KIF27: variants seen among roughly 807,000 people sequenced by gnomAD.
KIF27 encodes the protein kinesin-like protein KIF27.
A neutral mutation model predicts 141.8 loss-of-function variants in KIF27; 84 were observed. That is an observed-to-expected ratio of 0.59 (90% CI 0.50 to 0.71). The LOEUF is 0.71. Among genes scored for constraint, KIF27 ranks in the 30% least tolerant of loss-of-function variants. The pLI is 0.00. For synonymous variants in KIF27, 471 were observed against 569.5 expected (o/e 0.83, Z 2.46); for missense variants, 1,306 against 1,628.4 (o/e 0.80, Z 3.41).
chr9:83,906,113 A>G (rs1315065523), intron 3 of KIF27, among the ~76,000 whole-genome samples: 2 of 152,242 alleles, frequency 1.3e-5, no homozygotes, highest in African/African-American at 4.8e-5. Flanking sequence ...AAAAGATGAA[A>G]ACATTCAATA....
At chr9:83,871,984 G>A (rs1302573528) in intron 11 of KIF27, among the ~76,000 whole-genome samples, 7 of 150,574 alleles carry the variant, frequency 4.6e-5, no homozygotes, top group African/African-American at 1.7e-4. Flanking sequence ...TTACAAGCAT[G>A]AGCCACCACG....
chr9:83,920,085 T>C (rs774057820), intron 1 of KIF27, among the ~76,000 whole-genome samples: 3 of 152,076 alleles, frequency 2.0e-5, no homozygotes, highest in Non-Finnish European at 4.4e-5. Context: ...TACAAGAATG[T>C]GCCAGGCTGT....
chr9:83,919,908 G>A lies in KIF27; in HGVS notation c.-88+1463C>T, dbSNP rs560798778. 7.9e-5 allele frequency among the ~76,000 whole-genome samples: 12 copies of A among 150,966 alleles called. No individual in the cohort carries two copies. The South Asian group carries it at 2.3e-3, about 29-fold the overall frequency. On this transcript the variant is annotated intron_variant, in intron 1 of 17. Transcript: ENST00000297814. The stretch of plus-strand genomic sequence containing the variant: ...ATCTATAAAGAATTTGGTTATAAAG[G>A]CAACTGAAACTTATTCTAAGCATTA...
At chr9:83,856,967 T>G (rs1228250012) in intron 14 of KIF27, among the ~76,000 whole-genome samples, 2 of 151,086 alleles carry the variant, frequency 1.3e-5, no homozygotes, top group Non-Finnish European at 2.9e-5. Context: ...TTTAAAAGAT[T>G]AGATAAACAT....
rs1393825550 is a variant in KIF27 at position 83,913,541 on chromosome 9, G to A, written c.298+1753C>T. Among the ~76,000 whole-genome samples, 6 of 152,124 alleles carry A rather than the reference G, an allele frequency of 3.9e-5. No individual in the cohort carries two copies. The East Asian group carries it at 9.7e-4, about 25-fold the overall frequency. ...TAGCCTCCGCCTCCCAGGTTCAAGC[G>A]ATTCTCTGCCTCAGCCTCCCAAGTA... On this transcript the variant is annotated intron_variant, in intron 2 of 17. Coordinates refer to ENST00000297814, the MANE Select transcript of KIF27 (RefSeq NM_017576.4).
intron 17 of KIF27, 190 bp from the exon 18 acceptor site, chr9:83,837,675 T>A (rs1193772082): frequency 6.1e-6 from 3 of 495,078 alleles, no homozygotes; most frequent in Non-Finnish European, 1.1e-5. Flanking sequence ...CTTACAGGCA[T>A]CTTGCATGTG....
At position 83,887,142 on chromosome 9, in the gene KIF27, T is replaced by C. The variant is rs752836636; in HGVS notation, c.2138A>G (p.Lys713Arg). 5 of 1,593,530 alleles carry C rather than the reference T, an allele frequency of 3.1e-6. No individual in the cohort carries two copies. The highest frequency in any genetic ancestry group is 4.3e-6 in the Non-Finnish European group (5 of 1,172,496). Residue 713 changes from lysine (K) to arginine (R), a missense_variant, in exon 9 of 18, where the codon AAG (lysine) becomes AGG (arginine). Physicochemically the swap from Lys to Arg is conservative, Grantham distance 26 (BLOSUM62 2). This residue lies in a region of KIF27 where 596 missense variants were observed against 751.6 expected (regional missense o/e 0.79). Coordinates refer to ENST00000297814, the MANE Select transcript of KIF27 (RefSeq NM_017576.4). ...TTCAGTAAGTATGCGTTCTGAATTC[T>C]TTAATTTTTGCAAATTCAATTCTTG... ...ESQELNLQKL[K>R]NSERILTEAK...
chr9:83,913,839 T>C (rs950444561), intron 2 of KIF27, among the ~76,000 whole-genome samples: 7 of 152,200 alleles, frequency 4.6e-5, no homozygotes, highest in African/African-American at 1.4e-4. Flanking sequence ...CACAAGTGAG[T>C]AATATGCATC....
chr9:83,860,935 T>C (rs1949837057), intron 13 of KIF27, among the ~76,000 whole-genome samples: 1 of 152,068 alleles, frequency 6.6e-6, no homozygotes, highest in African/African-American at 2.4e-5. Context: ...ATTTGATTGT[T>C]TGGCTAAGAA....
At chr9:83,854,046 A>C (rs553002040) in intron 14 of KIF27, among the ~76,000 whole-genome samples, 43 of 152,362 alleles carry the variant, frequency 2.8e-4, no homozygotes, top group African/African-American at 9.6e-4. Flanking sequence ...CACACACAAC[A>C]TATTAACATA....
chr9:83,866,781 C>T (rs1950387983), intron 13 of KIF27, among the ~76,000 whole-genome samples: 1 of 151,900 alleles, frequency 6.6e-6, no homozygotes, highest in South Asian at 2.1e-4. Flanking sequence ...GAGACTGATA[C>T]AGGAGAATCG....
chr9:83,841,474 T>G (rs1946559773), intron 17 of KIF27, among the ~76,000 whole-genome samples: 1 of 152,216 alleles, frequency 6.6e-6, no homozygotes, highest in Admixed American at 6.5e-5. Context: ...TAAGTAGTTT[T>G]CTTTCCAGGT....
At chr9:83,862,221 T>G (rs1949992040) in intron 13 of KIF27, among the ~76,000 whole-genome samples, 1 of 152,074 alleles carries the variant, frequency 6.6e-6, no homozygotes, top group African/African-American at 2.4e-5. Flanking sequence ...TGCCATTGCT[T>G]TTGGTGTTTT....
rs1387884829 is a variant in KIF27, at chr9:83,848,212, TATATGATATATCAGATATGATATATATG to T, written c.3556+1859_3556+1886del. Among the ~76,000 whole-genome samples, 3 of 99,236 alleles carry T rather than the reference TATATGATATATCAGATATGATATATATG, an allele frequency of 3.0e-5. No individual in the cohort carries two copies. In the Admixed American group the frequency reaches 3.2e-4, roughly 11 times the overall value. 65.1% of individuals were successfully genotyped at this position (99,236 alleles called of 152,430 possible). On this transcript the variant is annotated intron_variant, in intron 16 of 17. Transcript: ENST00000297814. ...TATATATGATATATCAGATATGATATATATGATATATCAGATATGATATATATGATATATCAGATATGATATATATGAT... is the reference window on the plus strand; with the variant it reads ...TATATATGATATATCAGATATGATATATATATCAGATATGATATATATGAT...
At chr9:83,846,180 G>C (rs418816) in intron 16 of KIF27, among the ~76,000 whole-genome samples, 48,806 of 151,936 alleles carry the variant, frequency 0.32, 8,651 homozygotes, top group African/African-American at 0.48. Flanking sequence ...TCCTCAGGGT[G>C]ATCAGCGAGC....
chr9:83,846,146 A>G (rs1214276563), intron 16 of KIF27, among the ~76,000 whole-genome samples: 1 of 152,032 alleles, frequency 6.6e-6, no homozygotes, highest in African/African-American at 2.4e-5. Context: ...AGAGACCAAC[A>G]CTGAGCCCTC....
At position 83,883,944 on chromosome 9, in the gene KIF27, T is replaced by C. The variant is rs750733298; in HGVS notation, c.2314A>G (p.Lys772Glu). The C allele has an allele frequency of 6.1e-5, 99 of 1,613,708 alleles. No individual in the cohort carries two copies. The highest frequency in any genetic ancestry group is 8.0e-5 in the Non-Finnish European group (94 of 1,179,778). The change falls in exon 10 of 18, where the codon AAA becomes GAA. Residue 772 changes from lysine to glutamate, a missense_variant. Coordinates refer to ENST00000297814, the MANE Select transcript of KIF27 (RefSeq NM_017576.4). ...TKLEHDAEQA[K>E]VELIETQKQL... ...TTTTGTGTTTCAATCAGTTCGACTT[T>C]TGCCTGTTCTGCATCATGCTCTAGC...
At position 83,859,256 on chromosome 9, in the gene KIF27, GAAATCT is replaced by G; in HGVS notation, c.3044_3049del (p.Lys1015_Ser1017delinsThr). Reference sequence around the variant, plus strand: ...TTTCTGGAGGACTTCAACTTGTTCTGAAATCTTTGTTTTCTCCTCAGCTGTACTGGT... The same window carrying G: ...TTTCTGGAGGACTTCAACTTGTTCTGTTGTTTTCTCCTCAGCTGTACTGGT... On this transcript the variant is annotated inframe_deletion, in exon 14 of 18. Coordinates refer to ENST00000297814, the MANE Select transcript of KIF27 (RefSeq NM_017576.4). 1.2e-6 allele frequency: 2 copies of G among 1,614,046 alleles called. No individual in the cohort carries two copies. The highest frequency in any genetic ancestry group is 2.2e-5 in the South Asian group (2 of 91,066).
intron 1 of KIF27, among the ~76,000 whole-genome samples, chr9:83,920,789 G>A (rs984918255): frequency 1.3e-5 from 2 of 152,086 alleles, no homozygotes; most frequent in East Asian, 1.9e-4. Context: ...CCGAGGGAGG[G>A]AGCTCTCGGG....
Sources: gnomAD v4.1 joint callset for allele counts (sites outside exome capture counted in the v4.1 genomes callset) on GRCh38, gnomAD v4.1.1 for gene constraint, gnomAD v4.1.1 regional missense constraint, MANE v1.5 for transcripts, NCBI Gene and HGNC (gene_info 2026-07-23, HGNC 2026-07-21) for gene names.